The following STARD7 variants were observed in gnomAD, a reference collection of about 807,000 sequenced individuals.
The protein encoded by STARD7 is StAR related lipid transfer domain containing 7.
In STARD7, 30 loss-of-function variants were observed where a neutral mutation model predicts 45.3. That is an observed-to-expected ratio of 0.66 (90% CI 0.50 to 0.90). The LOEUF (loss-of-function observed/expected upper bound fraction) is 0.90, where lower values mean the gene tolerates loss of function less well. Among genes scored for constraint, STARD7 ranks in the 40% least tolerant of loss-of-function variants. The probability of loss-of-function intolerance (pLI) is 0.00; values close to 1 mark genes in which losing one functional copy is unlikely to be tolerated. For missense variants in STARD7, 495 were observed against 491.3 expected, an observed-to-expected ratio of 1.01 and a Z score of -0.07; for synonymous variants, 199 against 183.0, an observed-to-expected ratio of 1.09 and a Z score of -0.70.
intron 1 of STARD7, among the ~76,000 whole-genome samples, chr2:96,203,253 G>T (rs1414101800): frequency 2.0e-5 from 3 of 152,184 alleles, no homozygotes; most frequent in Non-Finnish European, 2.9e-5. Flanking sequence ...GATGGGATGG[G>T]TGGCTAAACC....
At position 96,185,885 on chromosome 2, in the gene STARD7, T is replaced by G. The variant is rs1454245309; in HGVS notation, c.*845A>C. 6.6e-6 allele frequency: 1 copy of G among 152,216 alleles called. No individual in the cohort carries two copies. Among genetic ancestry groups the G allele is most frequent in the Non-Finnish European group, 1.5e-5 (1 of 68,040 alleles). 9.4% of individuals were successfully genotyped at this position (152,216 alleles called of 1,614,324 possible). A position where few individuals can be genotyped will look rare whatever the true frequency, so the allele number is the denominator to read the frequency against. ...AGTTAAAAAATTTTTAAACTAAATT[T>G]AAATGTGATGTTTTGAGCATCAAAA... On this transcript the variant is annotated 3_prime_UTR_variant, in exon 8 of 8. Coordinates refer to ENST00000337288, the MANE Select transcript of STARD7 (RefSeq NM_020151.4).
intron 1 of STARD7, among the ~76,000 whole-genome samples, chr2:96,203,322 A>T (rs1683335080): frequency 6.6e-6 from 1 of 152,282 alleles, no homozygotes; most frequent in Non-Finnish European, 1.5e-5. Context: ...TTCCCAAAAT[A>T]GTAAAATCAG....
chr2:96,185,991 A>C lies in STARD7; in HGVS notation c.*739T>G, dbSNP rs2104163701. ...GGAAGGAGGCAATGATCCAATGAAT[A>C]TAGAAGAACTGGCCGATTCACAGGA... On this transcript the variant is annotated 3_prime_UTR_variant, in exon 8 of 8. Coordinates refer to ENST00000337288, the MANE Select transcript of STARD7 (RefSeq NM_020151.4). 1 of 152,310 alleles carries C rather than the reference A, an allele frequency of 6.6e-6. No homozygotes were observed. Among genetic ancestry groups the C allele is most frequent in the South Asian group, 2.1e-4 (1 of 4,826 alleles). 9.4% of individuals were successfully genotyped at this position (152,310 alleles called of 1,614,324 possible).
intron 6 of STARD7, among the ~76,000 whole-genome samples, chr2:96,191,560 G>C (rs144240014): frequency 6.6e-6 from 1 of 151,688 alleles, no homozygotes; most frequent in Non-Finnish European, 1.5e-5. Flanking sequence ...GAGTCTCTCA[G>C]TGCATACCTG....
rs1228460381 is a variant in STARD7, at chr2:96,208,195, G to A, written c.240C>T (p.Ala80=). 4 of 1,606,106 alleles carry A rather than the reference G, an allele frequency of 2.5e-6. No homozygotes were observed. In the African/African-American group the frequency reaches 4.0e-5, roughly 16 times the overall value. The change falls in exon 1 of 8, where the codon GCC becomes GCT. Residue 80 remains alanine (A), a synonymous_variant. Coordinates refer to ENST00000337288, the MANE Select transcript of STARD7 (RefSeq NM_020151.4). ...GHASALMAAL[A]GVFVWDEERI... ...TCTCCTCGTCCCAAACGAAGACGCC[G>A]GCTAACGCCGCCATCAAGGCAGAGG... is the stretch of plus-strand genomic sequence containing the variant.
At chr2:96,191,485 C>A (rs1683124690) in intron 6 of STARD7, among the ~76,000 whole-genome samples, 1 of 152,118 alleles carries the variant, frequency 6.6e-6, no homozygotes, top group African/African-American at 2.4e-5. Context: ...TTTCGAGTAC[C>A]CTCTGTACAC....
intron 1 of STARD7, 88 bp downstream of exon 1, chr2:96,208,057 A>C: frequency 1.5e-6 from 2 of 1,297,562 alleles, no homozygotes; most frequent in Non-Finnish European, 2.1e-6. Context: ...ACCACCGGGT[A>C]AACAAGGGCC....
At chr2:96,193,049 C>T (rs750706502) in intron 5 of STARD7, 29 bp downstream of exon 5, 9 of 1,563,270 alleles carry the variant, frequency 5.8e-6, no homozygotes, top group East Asian at 2.2e-5. Context: ...TAAAGGAACT[C>T]GGCAACAGCC....
chr2:96,187,362 C>A, intron 6 of STARD7, 61 bp from the exon 7 acceptor site: 1 of 1,022,684 alleles, frequency 9.8e-7, no homozygotes, highest in South Asian at 1.3e-5. Flanking sequence ...CCTCCATATC[C>A]AGTACCATAG....
chr2:96,199,385 A>G (rs1683272000), intron 1 of STARD7, among the ~76,000 whole-genome samples: 1 of 152,212 alleles, frequency 6.6e-6, no homozygotes, highest in Non-Finnish European at 1.5e-5. Context: ...TTACAGTTTT[A>G]GTTGTACACT....
chr2:96,192,023 A>G (rs1416573837), intron 6 of STARD7, among the ~76,000 whole-genome samples: 1 of 152,244 alleles, frequency 6.6e-6, no homozygotes, highest in Non-Finnish European at 1.5e-5. Context: ...AAAAGTTTCC[A>G]TCCAGTGCTC....
Position 96,208,397 on chromosome 2 carries a change from C to T in STARD7, c.38G>A (p.Gly13Glu). ...PRRLLAAWLA[G>E]TRGGGLLALL... ...CGCCAGCAGGCCCCCGCCCCGCGTC[C>T]CCGCCAGCCAGGCGGCCAGCAGCCT... Residue 13 changes from glycine (G) to glutamate (E), a missense_variant, in exon 1 of 8, where the codon GGG (glycine) becomes GAG (glutamate). This residue lies in a region of STARD7 where 282 missense variants were observed against 220.1 expected (regional missense o/e 1.28). Coordinates refer to ENST00000337288, the MANE Select transcript of STARD7 (RefSeq NM_020151.4). The T allele has an allele frequency of 1.4e-6, 2 of 1,454,692 alleles. No individual in the cohort carries two copies. Among genetic ancestry groups the T allele is most frequent in the Non-Finnish European group, 9.0e-7 (1 of 1,113,738 alleles). The allele number at this position is 1,454,692 out of a possible 1,614,324, so 90.1% of individuals were successfully genotyped here.
chr2:96,188,915 CAAAAACAA>C (rs1239819378), intron 6 of STARD7, among the ~76,000 whole-genome samples: 41 of 146,336 alleles, frequency 2.8e-4, no homozygotes, highest in Non-Finnish European at 3.7e-4. Context: ...ACAAAACAAA[CAAAAACAA>C]AAAAACAAAA....
At position 96,193,718 on chromosome 2, in the gene STARD7, G is replaced by C. The variant is rs183622789; in HGVS notation, c.550-366C>G. Among the ~76,000 whole-genome samples, 14 of 152,290 alleles carry C rather than the reference G, an allele frequency of 9.2e-5. No individual in the cohort carries two copies. In the East Asian group the frequency reaches 2.5e-3, roughly 27 times the overall value. ...ACAAAAAGTCCAAAAGTATTAAGTA[G>C]ACACTTCACACACAAAAATGCAAGC... On this transcript the variant is annotated intron_variant, in intron 3 of 7. Coordinates refer to ENST00000337288, the MANE Select transcript of STARD7 (RefSeq NM_020151.4).
Position 96,208,629 on chromosome 2 carries a change from A to G in STARD7, c.-195T>C. On this transcript the variant is annotated 5_prime_UTR_variant, in exon 1 of 8. The change abolishes an upstream ATG in the 5' untranslated region. Transcript: ENST00000337288. ...GTCTCCTCTGAGGGGAGAGTCGGTCATGGCAGCAGACGCCGGGATGGCTCC... is the reference window on the plus strand; with the variant it reads ...GTCTCCTCTGAGGGGAGAGTCGGTCGTGGCAGCAGACGCCGGGATGGCTCC... The G allele has an allele frequency of 2.1e-6, 1 of 479,730 alleles. No homozygotes were observed. The highest frequency in any genetic ancestry group is 4.4e-5 in the South Asian group (1 of 22,806). The allele number at this position is 479,730 out of a possible 1,614,324, so 29.7% of individuals were successfully genotyped here.
At chr2:96,196,764 C>T (rs1429966103) in intron 1 of STARD7, among the ~76,000 whole-genome samples, 1 of 151,968 alleles carries the variant, frequency 6.6e-6, no homozygotes, top group African/African-American at 2.4e-5. Flanking sequence ...CCCAGCTACA[C>T]TGTCTCTTAA....
At chr2:96,193,781 G>A (rs990411270) in intron 3 of STARD7, among the ~76,000 whole-genome samples, 1 of 152,204 alleles carries the variant, frequency 6.6e-6, no homozygotes, top group African/African-American at 2.4e-5. Context: ...ACTAGTAACT[G>A]AAGATTTTCA....
In STARD7 at chr2:96,186,064, G is replaced by A. The variant is rs1375688329; in HGVS notation, c.*666C>T. On this transcript the variant is annotated 3_prime_UTR_variant, in exon 8 of 8. Coordinates refer to ENST00000337288, the MANE Select transcript of STARD7 (RefSeq NM_020151.4). Reference sequence around the variant, plus strand: ...TCAATGGGTGATATTGTGCAGGCAGGGAGGGAAATTTCTTTGTACAAATTC... The same window carrying A: ...TCAATGGGTGATATTGTGCAGGCAGAGAGGGAAATTTCTTTGTACAAATTC... The A allele has an allele frequency of 1.3e-5, 2 of 152,058 alleles. No homozygotes were observed. Among genetic ancestry groups the A allele is most frequent in the Admixed American group, 6.6e-5 (1 of 15,260 alleles). The allele number at this position is 152,058 out of a possible 1,614,324, so 9.4% of individuals were successfully genotyped here.
rs147781764 is a variant in STARD7 at position 96,202,655 on chromosome 2, A to T, written c.290+5490T>A. Among the ~76,000 whole-genome samples the T allele has an allele frequency of 2.7e-4, 41 of 152,170 alleles. No individual in the cohort carries two copies. In the East Asian group the frequency reaches 4.6e-3, roughly 17 times the overall value. On this transcript the variant is annotated intron_variant, in intron 1 of 7. Coordinates refer to ENST00000337288, the MANE Select transcript of STARD7 (RefSeq NM_020151.4). Reference sequence around the variant, plus strand: ...TCTTGAGTGTCATTCTTTAAAAAAAATTTTTTTCTTCATTGCCCAAGCTGG... The same window carrying T: ...TCTTGAGTGTCATTCTTTAAAAAAATTTTTTTTCTTCATTGCCCAAGCTGG...
Sources: gnomAD v4.1 joint callset for allele counts (sites outside exome capture counted in the v4.1 genomes callset) on GRCh38, gnomAD v4.1.1 for gene constraint, gnomAD v4.1.1 regional missense constraint, MANE v1.5 for transcripts, NCBI Gene and HGNC (gene_info 2026-07-23, HGNC 2026-07-21) for gene names.